The following CXCL3 variants were observed in gnomAD, a reference collection of about 807,000 sequenced individuals.
CXCL3 encodes C-X-C motif chemokine ligand 3, also known as C-X-C motif chemokine 3.
CXCL3 carries 10 observed loss-of-function variants against 11.5 expected under a neutral mutation model. That is an observed-to-expected ratio of 0.87 (90% CI 0.54 to 1.48). The LOEUF (loss-of-function observed/expected upper bound fraction) is 1.48, where lower values mean the gene tolerates loss of function less well. CXCL3 is among the 40% of genes most tolerant of loss of function. CXCL3 has a pLI of 0.00. For synonymous variants in CXCL3, 61 were observed against 60.9 expected (o/e 1.00, Z -0.01); for missense variants, 149 against 139.1 (o/e 1.07, Z -0.36).
rs766328028 is a variant in CXCL3 at position 74,038,273 on chromosome 4, C to A, written c.224+17G>T. The A allele has an allele frequency of 1.2e-6, 2 of 1,613,638 alleles. No individual in the cohort carries two copies. Among genetic ancestry groups the A allele is most frequent in the Non-Finnish European group, 1.7e-6 (2 of 1,179,812 alleles). ...GGGACCCCAGCGGTGGCAGCGGAAG[C>A]GCGGGGCGGGACTTACATGACTTCG... On this transcript the variant is annotated intron_variant, in intron 2 of 3. Coordinates refer to ENST00000296026, the MANE Select transcript of CXCL3 (RefSeq NM_002090.3).
chr4:74,036,705 T>C lies in CXCL3; in HGVS notation c.*557A>G, dbSNP rs1431234475. On this transcript the variant is annotated 3_prime_UTR_variant, in exon 4 of 4. Coordinates refer to ENST00000296026, the MANE Select transcript of CXCL3 (RefSeq NM_002090.3). The stretch of plus-strand genomic sequence containing the variant: ...AGAATGGACATTAAACAAGGCATTA[T>C]GCCCTACAAGCAAGACATAAAATGT... The C allele has an allele frequency of 6.6e-6, 1 of 152,234 alleles. No individual in the cohort carries two copies. The highest frequency in any genetic ancestry group is 1.5e-5 in the Non-Finnish European group (1 of 68,100). 9.4% of individuals were successfully genotyped at this position (152,234 alleles called of 1,614,324 possible).
rs748888221 is a variant in CXCL3, at chr4:74,038,298, G to A, written c.216C>T (p.Thr72=). The A allele has an allele frequency of 3.1e-6, 5 of 1,613,984 alleles. No individual in the cohort carries two copies. In the East Asian group the frequency reaches 6.7e-5, roughly 22 times the overall value. ...VRSPGPHCAQ[T]EVIATLKNGK... Reference sequence around the variant, plus strand: ...CGCGGGGCGGGACTTACATGACTTCGGTTTGGGCGCAGTGGGGTCCGGGGG... The same window carrying A: ...CGCGGGGCGGGACTTACATGACTTCAGTTTGGGCGCAGTGGGGTCCGGGGG... The change falls in exon 2 of 4, where the codon ACC becomes ACT. Residue 72 remains threonine (T), a synonymous_variant. Transcript: ENST00000296026.
chr4:74,037,443 G>T, intron 3 of CXCL3, 166 bp from the exon 4 acceptor site: 108 of 393,026 alleles, frequency 2.7e-4, no homozygotes, highest in Non-Finnish European at 3.3e-4. Context: ...TTGCACTCCT[G>T]AATGCTTTTT....
In CXCL3 at chr4:74,037,149, AGCTG is replaced by A; in HGVS notation, c.*109_*112del. On this transcript the variant is annotated 3_prime_UTR_variant, in exon 4 of 4. Coordinates refer to ENST00000296026, the MANE Select transcript of CXCL3 (RefSeq NM_002090.3). Reference sequence around the variant, plus strand: ...TAGTCAAACACATTAAGTCCTTTCCAGCTGTCCCTAGAAAGCTGCTGTTCTCTTT... The same window carrying A: ...TAGTCAAACACATTAAGTCCTTTCCATCCCTAGAAAGCTGCTGTTCTCTTT... The A allele has an allele frequency of 8.5e-7, 1 of 1,175,862 alleles. No individual in the cohort carries two copies. The highest frequency in any genetic ancestry group is 1.2e-6 in the Non-Finnish European group (1 of 801,440). The allele number at this position is 1,175,862 out of a possible 1,614,324, so 72.8% of individuals were successfully genotyped here.
chr4:74,037,151 C>T lies in CXCL3; in HGVS notation c.*111G>A, dbSNP rs151083701. The T allele has an allele frequency of 1.8e-4, 218 of 1,186,502 alleles. 1 individual carries two copies. The East Asian group carries it at 5.0e-3, about 27-fold the overall frequency. 73.5% of individuals were successfully genotyped at this position (1,186,502 alleles called of 1,614,324 possible). On this transcript the variant is annotated 3_prime_UTR_variant, in exon 4 of 4. Coordinates refer to ENST00000296026, the MANE Select transcript of CXCL3 (RefSeq NM_002090.3). ...GTCAAACACATTAAGTCCTTTCCAG[C>T]TGTCCCTAGAAAGCTGCTGTTCTCT...
Position 74,038,614 on chromosome 4 carries a change from G to A in CXCL3, c.-3C>T. The A allele has an allele frequency of 1.4e-6, 2 of 1,456,676 alleles. No individual in the cohort carries two copies. Among genetic ancestry groups the A allele is most frequent in the Non-Finnish European group, 1.8e-6 (2 of 1,109,558 alleles). 90.2% of individuals were successfully genotyped at this position (1,456,676 alleles called of 1,614,324 possible). A position where few individuals can be genotyped will look rare whatever the true frequency, so the allele number is the denominator to read the frequency against. On this transcript the variant is annotated 5_prime_UTR_variant, in exon 1 of 4. Transcript: ENST00000296026. Reference sequence around the variant, plus strand: ...GCGGAGAGCGTGGCGTGGGCCATGGGGCTCAGCAGACGCGTCGGGAAGCTG... The same window carrying A: ...GCGGAGAGCGTGGCGTGGGCCATGGAGCTCAGCAGACGCGTCGGGAAGCTG...
rs200604462 is a variant in CXCL3, at chr4:74,038,323, G to A, written c.191C>T (p.Ser64Phe). The change falls in exon 2 of 4, where the codon TCC becomes TTC. Residue 64 changes from serine to phenylalanine, a missense_variant. Ser to Phe is a radical substitution (Grantham distance 155, BLOSUM62 -2). Transcript: ENST00000296026. ...LKNIQSVNVR[S>F]PGPHCAQTEV... ...GGTTTGGGCGCAGTGGGGTCCGGGGGACCTTACATTCACACTTTGGATGTT... is the reference window on the plus strand; with the variant it reads ...GGTTTGGGCGCAGTGGGGTCCGGGGAACCTTACATTCACACTTTGGATGTT... 2.8e-5 allele frequency: 45 copies of A among 1,614,132 alleles called. No individual in the cohort carries two copies. In the East Asian group the frequency reaches 9.8e-4, roughly 35 times the overall value.
In CXCL3 at chr4:74,036,977, T is replaced by A; in HGVS notation, c.*285A>T. 3.2e-6 allele frequency: 1 copy of A among 315,118 alleles called. No individual in the cohort carries two copies. The highest frequency in any genetic ancestry group is 6.0e-6 in the Non-Finnish European group (1 of 166,708). 19.5% of individuals were successfully genotyped at this position (315,118 alleles called of 1,614,324 possible). ...CACTAAATATTAGTTTAATGACACA[T>A]TTAAAACCCATCATATTCCAATTAA... is the stretch of plus-strand genomic sequence containing the variant. On this transcript the variant is annotated 3_prime_UTR_variant, in exon 4 of 4. Coordinates refer to ENST00000296026, the MANE Select transcript of CXCL3 (RefSeq NM_002090.3).
intron 1 of CXCL3, 31 bp downstream of exon 1, chr4:74,038,481 G>A: frequency 1.3e-6 from 2 of 1,573,118 alleles, no homozygotes; most frequent in Non-Finnish European, 1.7e-6. Context: ...AGCCGCGTCC[G>A]GCCCGGGGAC....
chr4:74,038,249 G>A (rs761638107), intron 2 of CXCL3, 41 bp downstream of exon 2: 7 of 1,613,536 alleles, frequency 4.3e-6, no homozygotes, highest in Non-Finnish European at 5.9e-6. Context: ...GGAGAGTCGG[G>A]GACCCCAGCG....
rs200611108 is a variant in CXCL3 at position 74,037,214 on chromosome 4, T to C, written c.*48A>G. ...GCTCTGGTAAGGGCAGGGACCACCC[T>C]GCAGGAAGTGTCAATGATACGCTGA... On this transcript the variant is annotated 3_prime_UTR_variant, in exon 4 of 4. Coordinates refer to ENST00000296026, the MANE Select transcript of CXCL3 (RefSeq NM_002090.3). 109 of 1,612,858 alleles carry C rather than the reference T, an allele frequency of 6.8e-5. No individual in the cohort carries two copies. The highest frequency in any genetic ancestry group is 4.9e-4 in the Middle Eastern group (3 of 6,082).
In CXCL3 at chr4:74,036,941, T is replaced by A; in HGVS notation, c.*321A>T. ...GTCATTTATCAAGGTGGCTGACACA[T>A]TATGGTCTCCCACTAAATATTAGTT... On this transcript the variant is annotated 3_prime_UTR_variant, in exon 4 of 4. Coordinates refer to ENST00000296026, the MANE Select transcript of CXCL3 (RefSeq NM_002090.3). 1 of 232,164 alleles carries A rather than the reference T, an allele frequency of 4.3e-6. No homozygotes were observed. The highest frequency in any genetic ancestry group is 8.6e-6 in the Non-Finnish European group (1 of 116,722). 14.4% of individuals were successfully genotyped at this position (232,164 alleles called of 1,614,324 possible).
intron 3 of CXCL3, 180 bp downstream of exon 3, chr4:74,037,913 T>G: frequency 1.5e-6 from 1 of 656,024 alleles, no homozygotes; most frequent in Non-Finnish European, 2.6e-6. Context: ...TACTGAAATA[T>G]CCTCTGGCAC....
chr4:74,038,508 C>T lies in CXCL3; in HGVS notation c.100+4G>A, dbSNP rs760933758. ...CCCGGGGACCCCAGGGCGCCGGGAC[C>T]CACCTGCTGCGCGCCGGCTGGCGGC... On this transcript the variant is annotated splice_donor_region_variant and intron_variant, in intron 1 of 3. Transcript: ENST00000296026. 6 of 1,501,356 alleles carry T rather than the reference C, an allele frequency of 4.0e-6. No homozygotes were observed. The Admixed American group carries it at 1.2e-4, about 31-fold the overall frequency. The allele number at this position is 1,501,356 out of a possible 1,614,324, so 93.0% of individuals were successfully genotyped here. A position where few individuals can be genotyped will look rare whatever the true frequency, so the allele number is the denominator to read the frequency against.
At position 74,038,276 on chromosome 4, in the gene CXCL3, G is replaced by T. The variant is rs201425298; in HGVS notation, c.224+14C>A. ...ACCCCAGCGGTGGCAGCGGAAGCGC[G>T]GGGCGGGACTTACATGACTTCGGTT... On this transcript the variant is annotated intron_variant, in intron 2 of 3. Transcript: ENST00000296026. 3.2e-5 allele frequency: 52 copies of T among 1,613,762 alleles called. No individual in the cohort carries two copies. Among genetic ancestry groups the T allele is most frequent in the Non-Finnish European group, 4.2e-5 (49 of 1,179,864 alleles).
chr4:74,037,132 C>A lies in CXCL3; in HGVS notation c.*130G>T. ...AGAACCCTCGTAAGAAATAGTCAAACACATTAAGTCCTTTCCAGCTGTCCC... is the reference window on the plus strand; with the variant it reads ...AGAACCCTCGTAAGAAATAGTCAAAAACATTAAGTCCTTTCCAGCTGTCCC... On this transcript the variant is annotated 3_prime_UTR_variant, in exon 4 of 4. Transcript: ENST00000296026. 1 of 899,922 alleles carries A rather than the reference C, an allele frequency of 1.1e-6. No individual in the cohort carries two copies. Among genetic ancestry groups the A allele is most frequent in the Non-Finnish European group, 1.7e-6 (1 of 581,992 alleles). 55.7% of individuals were successfully genotyped at this position (899,922 alleles called of 1,614,324 possible).
At chr4:74,038,262 G>T in intron 2 of CXCL3, 28 bp downstream of exon 2, 1 of 1,613,764 alleles carries the variant, frequency 6.2e-7, no homozygotes, top group East Asian at 2.2e-5. Flanking sequence ...CCCCAGCGGT[G>T]GCAGCGGAAG....
intron 1 of CXCL3, 36 bp downstream of exon 1, chr4:74,038,476 C>A: frequency 6.3e-7 from 1 of 1,576,554 alleles, no homozygotes; most frequent in South Asian, 1.1e-5. Flanking sequence ...ACCCCAGCCG[C>A]GTCCGGCCCG....
rs750297189 is a variant in CXCL3 at position 74,038,169 on chromosome 4, G to A, written c.232C>T (p.Leu78Phe). ...AGACAAGCTTTCTTCCCATTCTTGA[G>A]TGTGGCTCTGCAGAGAGAAGGGAAT... ...HCAQTEVIAT[L>F]KNGKKACLNP... Residue 78 changes from leucine to phenylalanine, a missense_variant, in exon 3 of 4, where the codon CTC (leucine) becomes TTC (phenylalanine). Coordinates refer to ENST00000296026, the MANE Select transcript of CXCL3 (RefSeq NM_002090.3). 6.2e-7 allele frequency: 1 copy of A among 1,614,114 alleles called. No individual in the cohort carries two copies.
Sources: gnomAD v4.1 joint callset for allele counts on GRCh38, gnomAD v4.1.1 for gene constraint, MANE v1.5 for transcripts, NCBI Gene and HGNC (gene_info 2026-07-23, HGNC 2026-07-21) for gene names.